Variants in MTUS2 observed in about 807,000 individuals in gnomAD.
MTUS2 encodes the protein microtubule-associated tumor suppressor candidate 2.
Under a neutral mutation model 114.1 loss-of-function variants are expected in MTUS2, and 40 were observed. That is an observed-to-expected ratio of 0.35 (90% CI 0.27 to 0.46). The LOEUF is 0.46. Among genes scored for constraint, MTUS2 ranks in the 20% least tolerant of loss-of-function variants. MTUS2 has a pLI of 1.00. For synonymous variants in MTUS2, 688 were observed against 672.0 expected, an observed-to-expected ratio of 1.02 and a Z score of -0.37; for missense variants, 1,679 against 1,705.4, an observed-to-expected ratio of 0.98 and a Z score of 0.27.
intron 2 of MTUS2, among the ~76,000 whole-genome samples, chr13:28,914,551 A>T (rs1003477530): frequency 6.6e-6 from 1 of 152,042 alleles, no homozygotes; most frequent in Non-Finnish European, 1.5e-5. Context: ...AATGATAAGG[A>T]TACATATTCT....
chr13:29,231,858 T>C (rs559238094), intron 5 of MTUS2, among the ~76,000 whole-genome samples: 1 of 152,378 alleles, frequency 6.6e-6, no homozygotes, highest in South Asian at 2.1e-4. Flanking sequence ...ATTTGCATGT[T>C]AAACACCTAA....
At chr13:29,027,669 A>G (rs1267449793) in intron 3 of MTUS2, among the ~76,000 whole-genome samples, 1 of 152,152 alleles carries the variant, frequency 6.6e-6, no homozygotes, top group African/African-American at 2.4e-5. Context: ...CTCCTGCCTC[A>G]GCTTCCCTAG....
chr13:29,488,164 T>C, intron 11 of MTUS2, 159 bp downstream of exon 11: 1 of 622,534 alleles, frequency 1.6e-6, no homozygotes, highest in South Asian at 1.9e-5. Flanking sequence ...AAAGAAGAGA[T>C]AGGAATTAAG....
At chr13:29,228,957 C>A (rs1441291102) in intron 5 of MTUS2, among the ~76,000 whole-genome samples, 1 of 152,074 alleles carries the variant, frequency 6.6e-6, no homozygotes, top group Non-Finnish European at 1.5e-5. Flanking sequence ...AAGACAATAT[C>A]CTTAGGACAA....
chr13:29,034,951 T>C (rs894470964), intron 4 of MTUS2, among the ~76,000 whole-genome samples: 1 of 152,222 alleles, frequency 6.6e-6, no homozygotes, highest in East Asian at 1.9e-4. Context: ...GCACAAAATA[T>C]GGAAAAACTT....
intron 2 of MTUS2, among the ~76,000 whole-genome samples, chr13:28,973,995 A>G (rs1162101626): frequency 6.6e-6 from 1 of 152,220 alleles, no homozygotes; most frequent in Non-Finnish European, 1.5e-5. Context: ...TGGGTGTAAC[A>G]TGTTTGCACA....
chr13:29,459,288 C>G (rs1278677844), intron 9 of MTUS2, among the ~76,000 whole-genome samples: 1 of 152,152 alleles, frequency 6.6e-6, no homozygotes, highest in African/African-American at 2.4e-5. Context: ...TGACATGCCA[C>G]AATTTACAGA....
intron 2 of MTUS2, among the ~76,000 whole-genome samples, chr13:28,872,993 C>T (rs934027951): frequency 6.6e-6 from 1 of 152,150 alleles, no homozygotes; most frequent in African/African-American, 2.4e-5. Context: ...CAGCTGACTT[C>T]TCAGGAGAAA....
At chr13:29,472,223 C>G (rs1035056840) in intron 9 of MTUS2, among the ~76,000 whole-genome samples, 1 of 152,134 alleles carries the variant, frequency 6.6e-6, no homozygotes, top group African/African-American at 2.4e-5. Flanking sequence ...TGGGGTTTCA[C>G]CATGGCCAGG....
intron 8 of MTUS2, among the ~76,000 whole-genome samples, chr13:29,383,252 G>GTGTATATATATATTTATTTATTTATT (rs5802519): frequency 1.0e-4 from 14 of 135,916 alleles, no homozygotes; most frequent in East Asian, 2.1e-4. Flanking sequence ...GTGTGTGTGT[G>GTGTATATATATATTTATTTATTTATT]TATTTATTTT....
chr13:29,390,945 G>C (rs112213395), intron 8 of MTUS2, among the ~76,000 whole-genome samples: 3 of 151,930 alleles, frequency 2.0e-5, no homozygotes, highest in African/African-American at 7.2e-5. Context: ...ACTATGCCCA[G>C]CTAATTATTG....
intron 8 of MTUS2, among the ~76,000 whole-genome samples, chr13:29,376,536 G>A (rs2388072): frequency 0.42 from 63,853 of 151,946 alleles, 16,290 homozygotes; most frequent in East Asian, 0.66. Flanking sequence ...ATAATAAAAT[G>A]GTAGGTCTGA....
At chr13:29,052,697 A>G (rs570428839) in intron 4 of MTUS2, among the ~76,000 whole-genome samples, 2 of 152,290 alleles carry the variant, frequency 1.3e-5, no homozygotes, top group East Asian at 3.9e-4. Context: ...GACATGCTTC[A>G]GGGAAAGTAA....
At chr13:28,977,839 T>C (rs1884185783) in intron 2 of MTUS2, among the ~76,000 whole-genome samples, 1 of 152,192 alleles carries the variant, frequency 6.6e-6, no homozygotes, top group Non-Finnish European at 1.5e-5. Flanking sequence ...ACCTAGAAAA[T>C]CATCATCTTT....
At chr13:29,352,980 C>T (rs4533131) in intron 7 of MTUS2, among the ~76,000 whole-genome samples, 81,201 of 151,904 alleles carry the variant, frequency 0.53, 24,942 homozygotes, top group East Asian at 0.76. Context: ...CTTAAATATA[C>T]GAAATACATT....
At chr13:29,210,514 T>G (rs927263513) in intron 5 of MTUS2, among the ~76,000 whole-genome samples, 4 of 152,160 alleles carry the variant, frequency 2.6e-5, no homozygotes, top group African/African-American at 9.6e-5. Flanking sequence ...TTTTGTCATA[T>G]TACCAGAATT....
intron 5 of MTUS2, among the ~76,000 whole-genome samples, chr13:29,276,256 TAG>T (rs1898059167): frequency 6.6e-6 from 1 of 152,216 alleles, no homozygotes; most frequent in Non-Finnish European, 1.5e-5. Context: ...GAGAAAATTG[TAG>T]AGAGATTCGG....
intron 8 of MTUS2, among the ~76,000 whole-genome samples, chr13:29,363,161 G>GT (rs1229977489): frequency 6.6e-6 from 1 of 152,082 alleles, no homozygotes; most frequent in African/African-American, 2.4e-5. Context: ...TTGCTGTGTG[G>GT]TTCCCCGTAA....
intron 2 of MTUS2, among the ~76,000 whole-genome samples, chr13:28,988,774 C>T (rs1190056025): frequency 6.6e-6 from 1 of 152,094 alleles, no homozygotes; most frequent in Non-Finnish European, 1.5e-5. Context: ...TCAGAGGAAG[C>T]ATTTTTATTA....
Sources: allele counts gnomAD v4.1 joint callset (sites outside exome capture counted in the v4.1 genomes callset), GRCh38; gene constraint gnomAD v4.1.1; transcripts MANE v1.5; gene names NCBI Gene and HGNC (gene_info 2026-07-23, HGNC 2026-07-21).